The following NLRP12 variants were observed in gnomAD, a reference collection of about 807,000 sequenced individuals.
NLRP12 encodes NACHT, LRR and PYD domains-containing protein 12.
NLRP12 carries 108 observed loss-of-function variants against 91.2 expected under a neutral mutation model. That is an observed-to-expected ratio of 1.18 (90% CI 1.01 to 1.39). The LOEUF is 1.39. Among genes scored for constraint, NLRP12 ranks in the 40% most tolerant of loss-of-function variants. The pLI is 0.00. For missense variants in NLRP12, 1,530 were observed against 1,352.7 expected, an observed-to-expected ratio of 1.13 and a Z score of -2.06; for synonymous variants, 613 against 566.7, an observed-to-expected ratio of 1.08 and a Z score of -1.16.
chr19:53,806,988 C>T (rs1442250089), intron 4 of NLRP12, among the ~76,000 whole-genome samples: 1 of 152,054 alleles, frequency 6.6e-6, no homozygotes, highest in Non-Finnish European at 1.5e-5. Context: ...CTTAACCTGC[C>T]CACTCCTTGT....
chr19:53,824,058 T>A lies in NLRP12; in HGVS notation c.117A>T (p.Gly39=). ...KLYLGTATEL[G]EGKIPWGSME... is the part of the protein sequence containing the mutation. ...TGCTTCCCCAGGGGATCTTGCCTTCTCCCAGCTCTGTCGCGGTCCCCAGGT... is the reference window on the plus strand; with the variant it reads ...TGCTTCCCCAGGGGATCTTGCCTTCACCCAGCTCTGTCGCGGTCCCCAGGT... The change falls in exon 1 of 10, where the codon GGA becomes GGT. Residue 39 remains glycine, a synonymous_variant. Coordinates refer to ENST00000324134, the MANE Select transcript of NLRP12 (RefSeq NM_144687.4). 9 of 1,614,102 alleles carry A rather than the reference T, an allele frequency of 5.6e-6. No individual in the cohort carries two copies. The highest frequency in any genetic ancestry group is 7.6e-6 in the Non-Finnish European group (9 of 1,180,008).
chr19:53,797,466 C>T (rs1389865173), intron 8 of NLRP12, among the ~76,000 whole-genome samples: 1 of 151,800 alleles, frequency 6.6e-6, no homozygotes, highest in Non-Finnish European at 1.5e-5. Context: ...ATCACCCAGG[C>T]TGGAGGGCAG....
chr19:53,801,418 C>T (rs772682809), intron 6 of NLRP12, 21 bp from the exon 7 acceptor site: 5 of 1,579,000 alleles, frequency 3.2e-6, no homozygotes, highest in Non-Finnish European at 3.5e-6. Flanking sequence ...TCCAATTCAA[C>T]AAGCATTATG....
rs767491310 is a variant in NLRP12 at position 53,810,704 on chromosome 19, G to A, written c.955C>T (p.Pro319Ser). The A allele has an allele frequency of 2.5e-6, 4 of 1,613,990 alleles. No individual in the cohort carries two copies. The highest frequency in any genetic ancestry group is 2.2e-5 in the South Asian group (2 of 91,064). ...PWCLCWEEKR[P>S]TELLLNSLIR... ...AAGCTGTTAAGAAGCAGCTCCGTGG[G>A]CCGTTTCTCCTCCCAGCAGAGGCAC... Residue 319 changes from proline to serine, a missense_variant, in exon 3 of 10, where the codon CCC (proline) becomes TCC (serine). Coordinates refer to ENST00000324134, the MANE Select transcript of NLRP12 (RefSeq NM_144687.4).
chr19:53,807,201 G>A (rs2091973987), intron 4 of NLRP12, among the ~76,000 whole-genome samples: 1 of 152,124 alleles, frequency 6.6e-6, no homozygotes, highest in Non-Finnish European at 1.5e-5. Flanking sequence ...CCAAGCAGCT[G>A]GGATTACAGG....
rs897917849 is a variant in NLRP12, at chr19:53,810,977, G to A, written c.682C>T (p.His228Tyr). The change falls in exon 3 of 10, where the codon CAC (histidine) becomes TAC (tyrosine). Residue 228 changes from histidine to tyrosine, a missense_variant. By Grantham distance (83) the His-to-Tyr change is moderately conservative. Transcript: ENST00000324134. ...TCCGCCCAGTCCAGCATCACCTTGT[G>A]TGCCAGCATGGACTTGCCTATCCCT... ...AAGIGKSMLA[H>Y]KVMLDWADGK... The A allele has an allele frequency of 6.2e-7, 1 of 1,614,184 alleles. No individual in the cohort carries two copies. The highest frequency in any genetic ancestry group is 1.1e-5 in the South Asian group (1 of 91,086).
At chr19:53,803,009 A>G (rs755311797) in intron 6 of NLRP12, among the ~76,000 whole-genome samples, 30 of 152,028 alleles carry the variant, frequency 2.0e-4, no homozygotes, top group Non-Finnish European at 3.5e-4. Flanking sequence ...TTGGCCTTCC[A>G]GAGGGTTGTG....
chr19:53,811,363 T>A, intron 2 of NLRP12, 75 bp from the exon 3 acceptor site: 1 of 1,542,312 alleles, frequency 6.5e-7, no homozygotes, highest in Non-Finnish European at 8.9e-7. Flanking sequence ...AAAGCGCTCC[T>A]CATGTGGCTC....
intron 4 of NLRP12, 136 bp downstream of exon 4, chr19:53,807,359 C>A: frequency 1.2e-6 from 1 of 837,290 alleles, no homozygotes; most frequent in Non-Finnish European, 1.9e-6. Context: ...TGAGCCACGG[C>A]ACCTGGCTTT....
Position 53,804,007 on chromosome 19 carries a change from G to A in NLRP12, c.2530C>T (p.Leu844=). 6.2e-7 allele frequency: 1 copy of A among 1,614,166 alleles called. No homozygotes were observed. Among genetic ancestry groups the A allele is most frequent in the Non-Finnish European group, 8.5e-7 (1 of 1,180,028 alleles). ...LTGNALEDLG[L]RLLCQGLRHP... is the part of the protein sequence containing the mutation. ...CTCAGTCCCTGGCATAGTAACCTCAGGCCCAAATCCTCCAGTGCATTTCCT... is the reference window on the plus strand; with the variant it reads ...CTCAGTCCCTGGCATAGTAACCTCAAGCCCAAATCCTCCAGTGCATTTCCT... Residue 844 remains leucine, a synonymous_variant, in exon 6 of 10, where the codon CTG becomes TTG. Coordinates refer to ENST00000324134, the MANE Select transcript of NLRP12 (RefSeq NM_144687.4).
intron 1 of NLRP12, among the ~76,000 whole-genome samples, chr19:53,819,599 G>GCGTATATATGTATGTATACGTATATA (rs2092231237): frequency 2.5e-5 from 1 of 39,410 alleles, no homozygotes; most frequent in African/African-American, 7.1e-5. Flanking sequence ...ACGTATATAC[G>GCGTATATATGTATGTATACGTATATA]CATATATATG....
At chr19:53,815,077 A>C in intron 1 of NLRP12, 89 bp from the exon 2 acceptor site, 1 of 980,356 alleles carries the variant, frequency 1.0e-6, no homozygotes. Context: ...AAATGCCTGC[A>C]TAACTCCCTG....
At chr19:53,818,850 T>C (rs2092203467) in intron 1 of NLRP12, among the ~76,000 whole-genome samples, 1 of 152,096 alleles carries the variant, frequency 6.6e-6, no homozygotes, top group South Asian at 2.1e-4. Flanking sequence ...GGATTCCCCA[T>C]TGGCCACAAG....
Position 53,816,112 on chromosome 19 carries a change from C to T in NLRP12, c.290-1124G>A, listed in dbSNP as rs575414201. On this transcript the variant is annotated intron_variant, in intron 1 of 9. Coordinates refer to ENST00000324134, the MANE Select transcript of NLRP12 (RefSeq NM_144687.4). ...TTTGGATATATCATAAGATTCTACA[C>T]ATCGAGTCCTTCCTTGGCATCTTTG... Among the ~76,000 whole-genome samples, 4 of 152,108 alleles carry T rather than the reference C, an allele frequency of 2.6e-5. No homozygotes were observed. The South Asian group carries it at 8.3e-4, about 32-fold the overall frequency.
In NLRP12 at chr19:53,814,919, G is replaced by T. The variant is rs1274151548; in HGVS notation, c.359C>A (p.Thr120Asn). 2.5e-6 allele frequency: 4 copies of T among 1,613,666 alleles called. No individual in the cohort carries two copies. The highest frequency in any genetic ancestry group is 3.4e-6 in the Non-Finnish European group (4 of 1,179,730). The part of the protein sequence containing the change: ...STCLLEVSLV[T>N]PRKDPQETYR... ...GGCTTGAGGCTCACCTTTTCTTGGAGTGACAAGAGAGACTTCCAGAAGGCA... is the reference window on the plus strand; with the variant it reads ...GGCTTGAGGCTCACCTTTTCTTGGATTGACAAGAGAGACTTCCAGAAGGCA... The change falls in exon 2 of 10, where the codon ACT (threonine) becomes AAT (asparagine). Residue 120 changes from threonine (T) to asparagine (N), a missense_variant. Transcript: ENST00000324134.
intron 3 of NLRP12, among the ~76,000 whole-genome samples, chr19:53,809,264 G>A (rs1402306266): frequency 6.7e-6 from 1 of 149,884 alleles, no homozygotes; most frequent in African/African-American, 2.5e-5. Flanking sequence ...CGGGTGCAGT[G>A]GCTCATGCCT....
At chr19:53,815,846 G>A (rs755145137) in intron 1 of NLRP12, among the ~76,000 whole-genome samples, 5 of 151,604 alleles carry the variant, frequency 3.3e-5, no homozygotes, top group Admixed American at 6.6e-5. Flanking sequence ...TCCTGACCTC[G>A]TGATCCACCC....
In NLRP12 at chr19:53,810,512, G is replaced by A; in HGVS notation, c.1147C>T (p.Gln383Ter). 1 of 1,614,142 alleles carries A rather than the reference G, an allele frequency of 6.2e-7. No homozygotes were observed. The highest frequency in any genetic ancestry group is 8.5e-7 in the Non-Finnish European group (1 of 1,180,028). ...ACGTAATTGAAGACTTGGCCCGCCT[G>A]CTCTGCATTGTGGAAATACTTGTAG... is the stretch of plus-strand genomic sequence containing the variant. ...YFYKYFHNAE[Q>*]AGQVFNYVRD... Residue 383 changes from glutamine (Q) to a stop codon, truncating the protein, a stop_gained, in exon 3 of 10, where the codon CAG (glutamine) becomes TAG (stop). Transcript: ENST00000324134. LOFTEE classifies it high-confidence loss of function.
intron 1 of NLRP12, among the ~76,000 whole-genome samples, chr19:53,818,873 C>G (rs1356750345): frequency 1.3e-5 from 2 of 152,094 alleles, no homozygotes; most frequent in Non-Finnish European, 2.9e-5. Flanking sequence ...TCTCGAGAGA[C>G]TCTTACGCAC....
Sources: gnomAD v4.1 joint callset for allele counts (sites outside exome capture counted in the v4.1 genomes callset) on GRCh38, gnomAD v4.1.1 for gene constraint, MANE v1.5 for transcripts, NCBI Gene and HGNC (gene_info 2026-07-23, HGNC 2026-07-21) for gene names.